Variants in PRSS55 observed in about 807,000 individuals in gnomAD.
PRSS55 encodes the protein probable serine protease UNQ9391/PRO34284.
PRSS55 carries 41 observed loss-of-function variants against 23.6 expected under a neutral mutation model. The ratio of observed to expected loss-of-function variants is 1.74; its 90% CI spans 1.35 to 2.26. The LOEUF (loss-of-function observed/expected upper bound fraction) is 2.26, where lower values mean the gene tolerates loss of function less well. Ranked by LOEUF, PRSS55 falls within the 30% of genes most tolerant of loss-of-function variation. PRSS55 has a pLI of 0.00. For synonymous variants in PRSS55, 262 were observed against 175.5 expected (o/e 1.49, Z -3.90); for missense variants, 669 against 439.1 (o/e 1.52, Z -4.68).
intron 2 of PRSS55, among the ~76,000 whole-genome samples, chr8:10,530,320 C>G (rs548000850): frequency 6.6e-6 from 1 of 152,096 alleles, no homozygotes; most frequent in East Asian, 1.9e-4. Flanking sequence ...ACTAAAAATA[C>G]AAAAATTAGC....
At chr8:10,538,850 A>G, downstream of PRSS55, 1 of 1,469,798 alleles carries the variant, frequency 6.8e-7, no homozygotes. Context: ...GTGCGTCTCC[A>G]GCAGAGGCTC....
intron 1 of PRSS55, among the ~76,000 whole-genome samples, chr8:10,526,360 G>C (rs1021191237): frequency 1.3e-5 from 2 of 152,228 alleles, no homozygotes; most frequent in Non-Finnish European, 2.9e-5. Flanking sequence ...GGAAATGATA[G>C]AGCTGTCTGC....
chr8:10,532,984 T>A lies in PRSS55; in HGVS notation c.677T>A (p.Phe226Tyr). 1 of 1,614,144 alleles carries A rather than the reference T, an allele frequency of 6.2e-7. No homozygotes were observed. The highest frequency in any genetic ancestry group is 8.5e-7 in the Non-Finnish European group (1 of 1,180,024). ...IMDWEECSKMFPKLTKNMLCA... is the reference protein window; with the variant it reads ...IMDWEECSKMYPKLTKNMLCA... ...GACTGGGAGGAGTGTTCAAAGATGT[T>A]TCCAAAACTTACCAAAAATATGCTG... Residue 226 changes from phenylalanine to tyrosine, a missense_variant, in exon 4 of 5, where the codon TTT (phenylalanine) becomes TAT (tyrosine). Physicochemically the swap from Phe to Tyr is conservative, Grantham distance 22 (BLOSUM62 3). Coordinates refer to ENST00000328655, the MANE Select transcript of PRSS55 (RefSeq NM_198464.4).
intron 1 of PRSS55, among the ~76,000 whole-genome samples, chr8:10,527,834 C>T (rs147506114): frequency 3.3e-5 from 5 of 152,324 alleles, no homozygotes; most frequent in African/African-American, 7.2e-5. Flanking sequence ...CCAAGTGAAT[C>T]GGTGCTTGCA....
At chr8:10,537,999 C>T (rs1488749455) in intron 4 of PRSS55, among the ~76,000 whole-genome samples, 2 of 152,150 alleles carry the variant, frequency 1.3e-5, no homozygotes, top group African/African-American at 2.4e-5. Flanking sequence ...TTCTGAAAAG[C>T]GTGGCTGAAT....
chr8:10,548,997 C>G (rs1281814270), intron 4 of PRSS55, among the ~76,000 whole-genome samples: 3 of 152,158 alleles, frequency 2.0e-5, no homozygotes, highest in Non-Finnish European at 4.4e-5. Flanking sequence ...TCCCTGGCAT[C>G]TCGTCTGTGG....
At chr8:10,534,720 A>G (rs1458867245) in intron 4 of PRSS55, among the ~76,000 whole-genome samples, 1 of 152,218 alleles carries the variant, frequency 6.6e-6, no homozygotes, top group Non-Finnish European at 1.5e-5. Context: ...AGCCAGAGCA[A>G]TCAGGCAAGA....
At chr8:10,537,494 C>T (rs537209576) in intron 4 of PRSS55, among the ~76,000 whole-genome samples, 163 of 151,934 alleles carry the variant, frequency 1.1e-3, no homozygotes, top group African/African-American at 3.5e-3. Context: ...TTAAGGAGCA[C>T]GAAAACACAG....
Position 10,531,533 on chromosome 8 carries a change from C to T in PRSS55, c.586C>T (p.Gln196Ter). The change falls in exon 3 of 5, where the codon CAG becomes TAG. Residue 196 changes from glutamine (Q) to a stop codon, truncating the protein, a stop_gained. Transcript: ENST00000328655. LOFTEE classifies it high-confidence loss of function. The part of the protein sequence containing the change: ...WRECWVAGWG[Q>*]TNAADKNSVK... ...CGAATGCTGGGTGGCAGGTTGGGGCCAGACCAATGCTGGTATGTGACTGCT... is the reference window on the plus strand; with the variant it reads ...CGAATGCTGGGTGGCAGGTTGGGGCTAGACCAATGCTGGTATGTGACTGCT... The T allele has an allele frequency of 1.9e-6, 3 of 1,613,634 alleles. No individual in the cohort carries two copies. Among genetic ancestry groups the T allele is most frequent in the Non-Finnish European group, 2.5e-6 (3 of 1,180,038 alleles).
chr8:10,535,356 A>C (rs1812418053), intron 4 of PRSS55, among the ~76,000 whole-genome samples: 1 of 152,202 alleles, frequency 6.6e-6, no homozygotes, highest in Non-Finnish European at 1.5e-5. Context: ...CATGGTGCTG[A>C]TACAAAAACT....
At chr8:10,545,574 C>T in intron 4 of PRSS55, among the ~76,000 whole-genome samples, 1 of 152,174 alleles carries the variant, frequency 6.6e-6, no homozygotes, top group East Asian at 1.9e-4. Flanking sequence ...AAGCATTTCC[C>T]TACGAGACCC....
intron 1 of PRSS55, among the ~76,000 whole-genome samples, chr8:10,529,079 C>A (rs1404982400): frequency 5.9e-5 from 9 of 152,212 alleles, no homozygotes; most frequent in Non-Finnish European, 1.0e-4. Context: ...CAAAGCCCCC[C>A]TTTCCTTGCA....
intron 4 of PRSS55, among the ~76,000 whole-genome samples, chr8:10,547,272 C>A (rs972874479): frequency 6.6e-6 from 1 of 152,222 alleles, no homozygotes. Flanking sequence ...GCCTCTGACA[C>A]AGGGGCATCA....
intron 4 of PRSS55, among the ~76,000 whole-genome samples, chr8:10,545,885 A>C (rs1285760856): frequency 1.3e-5 from 2 of 152,222 alleles, no homozygotes; most frequent in African/African-American, 2.4e-5. Flanking sequence ...GCCCAGTAAG[A>C]GGCATCTTCT....
chr8:10,529,364 C>A (rs754704116), intron 1 of PRSS55, 143 bp from the exon 2 acceptor site: 1 of 812,208 alleles, frequency 1.2e-6, no homozygotes, highest in Non-Finnish European at 2.1e-6. Flanking sequence ...CTGCCCCGCT[C>A]GGCAGCCTCA....
At chr8:10,528,877 C>T (rs1037703595) in intron 1 of PRSS55, among the ~76,000 whole-genome samples, 1 of 152,182 alleles carries the variant, frequency 6.6e-6, no homozygotes, top group Non-Finnish European at 1.5e-5. Context: ...CTTCTCTGGG[C>T]CCCTGCCTTC....
intron 1 of PRSS55, 52 bp from the exon 2 acceptor site, chr8:10,529,455 A>G (rs774861835): frequency 7.0e-6 from 11 of 1,575,912 alleles, no homozygotes; most frequent in Non-Finnish European, 8.7e-6. Flanking sequence ...CTCACACTGG[A>G]TGCTGACTAA....
intron 4 of PRSS55, among the ~76,000 whole-genome samples, chr8:10,536,135 C>T (rs192397361): frequency 1.2e-4 from 19 of 152,160 alleles, no homozygotes; most frequent in Admixed American, 9.2e-4. Flanking sequence ...GCAGTGAGCC[C>T]AGACTGCTGC....
intron 4 of PRSS55, among the ~76,000 whole-genome samples, chr8:10,550,782 G>T (rs79151864): frequency 9.1e-4 from 139 of 152,350 alleles, no homozygotes; most frequent in African/African-American, 3.3e-3. Context: ...ATCACCTGAT[G>T]TACATGCAAA....
Sources: gnomAD v4.1 joint callset for allele counts (sites outside exome capture counted in the v4.1 genomes callset) on GRCh38, gnomAD v4.1.1 for gene constraint, MANE v1.5 for transcripts, NCBI Gene and HGNC (gene_info 2026-07-23, HGNC 2026-07-21) for gene names.